DLGAP1: variants seen among roughly 807,000 people sequenced by gnomAD.
DLGAP1 encodes DLG associated protein 1, also known as disks large-associated protein 1.
DLGAP1 carries 11 observed loss-of-function variants against 90.8 expected under a neutral mutation model. The ratio of observed to expected loss-of-function variants is 0.12; its 90% CI spans 0.08 to 0.20. DLGAP1 has a LOEUF of 0.20. Ranked by LOEUF, DLGAP1 falls within the 10% of genes least tolerant of loss-of-function variation. The pLI is 1.00. For missense variants in DLGAP1, 1,050 were observed against 1,333.8 expected, an observed-to-expected ratio of 0.79 and a Z score of 3.31; for synonymous variants, 558 against 540.7, an observed-to-expected ratio of 1.03 and a Z score of -0.44.
chr18:3,700,572 A>G (rs1295859648), intron 7 of DLGAP1, among the ~76,000 whole-genome samples: 3 of 152,076 alleles, frequency 2.0e-5, no homozygotes, highest in African/African-American at 7.3e-5. Flanking sequence ...CTATTCAGCC[A>G]TCTTGCCAGC....
intron 1 of DLGAP1, among the ~76,000 whole-genome samples, chr18:4,321,129 C>A (rs1267760199): frequency 2.6e-4 from 40 of 152,194 alleles, no homozygotes; most frequent in Non-Finnish European, 1.8e-4. Context: ...ACAAAAACAT[C>A]ATTTTCCATA....
intron 3 of DLGAP1, among the ~76,000 whole-genome samples, chr18:3,979,714 CAA>C (rs1283344781): frequency 6.6e-6 from 1 of 152,094 alleles, no homozygotes; most frequent in African/African-American, 2.4e-5. Context: ...GTTCTTACCA[CAA>C]AAAATGATAA....
At chr18:4,226,839 C>T (rs1404532247) in intron 1 of DLGAP1, among the ~76,000 whole-genome samples, 1 of 151,814 alleles carries the variant, frequency 6.6e-6, no homozygotes, top group Non-Finnish European at 1.5e-5. Flanking sequence ...AACAAAATCA[C>T]AAGAATAAGT....
intron 1 of DLGAP1, among the ~76,000 whole-genome samples, chr18:4,267,093 T>C (rs2079147238): frequency 6.6e-6 from 1 of 152,206 alleles, no homozygotes; most frequent in Non-Finnish European, 1.5e-5. Flanking sequence ...GGTTTGTGTA[T>C]TGGTTTGGGA....
At chr18:3,835,408 T>C (rs1444966011) in intron 4 of DLGAP1, among the ~76,000 whole-genome samples, 1 of 152,052 alleles carries the variant, frequency 6.6e-6, no homozygotes, top group Non-Finnish European at 1.5e-5. Flanking sequence ...CCCAGCACTT[T>C]GGGAGGCTGA....
chr18:3,877,907 T>C (rs1599089983), intron 4 of DLGAP1, among the ~76,000 whole-genome samples: 2 of 152,210 alleles, frequency 1.3e-5, no homozygotes, highest in Non-Finnish European at 2.9e-5. Flanking sequence ...GTGTCGTGTA[T>C]GAAAACTGTC....
chr18:3,713,322 G>A (rs2061656752), intron 7 of DLGAP1, among the ~76,000 whole-genome samples: 1 of 152,196 alleles, frequency 6.6e-6, no homozygotes, highest in African/African-American at 2.4e-5. Flanking sequence ...CCACAACTGA[G>A]GAGATTAGGA....
chr18:3,745,214 A>G (rs2063218521), intron 5 of DLGAP1, among the ~76,000 whole-genome samples: 1 of 152,224 alleles, frequency 6.6e-6, no homozygotes, highest in Non-Finnish European at 1.5e-5. Context: ...TTAGGAAGTG[A>G]TATCTGAAGG....
rs1342548979 is a variant in DLGAP1, at chr18:3,942,554, C to T, written c.-72-62414G>A. ...GCGATGGCATCTGAATTTGTGCCAA[C>T]CAAATTTGTCTTAGGAAGGGCTGCA... On this transcript the variant is annotated intron_variant, in intron 3 of 12. Transcript: ENST00000315677. Among the ~76,000 whole-genome samples, 8 of 152,158 alleles carry T rather than the reference C, an allele frequency of 5.3e-5. No homozygotes were observed. In the South Asian group the frequency reaches 6.2e-4, roughly 12 times the overall value.
At chr18:4,140,228 G>A (rs1171745385) in intron 2 of DLGAP1, among the ~76,000 whole-genome samples, 1 of 151,458 alleles carries the variant, frequency 6.6e-6, no homozygotes, top group Non-Finnish European at 1.5e-5. Context: ...GAATTTCTCT[G>A]GTGTTATTTT....
At chr18:3,938,356 G>A (rs2072688947) in intron 3 of DLGAP1, among the ~76,000 whole-genome samples, 1 of 152,132 alleles carries the variant, frequency 6.6e-6, no homozygotes, top group Non-Finnish European at 1.5e-5. Flanking sequence ...AAATAAAGAA[G>A]GGCCTGGGGA....
chr18:3,999,062 A>G (rs1336698448), intron 3 of DLGAP1, among the ~76,000 whole-genome samples: 3 of 152,146 alleles, frequency 2.0e-5, no homozygotes, highest in African/African-American at 7.2e-5. Context: ...TTTACAAAAC[A>G]AGTCTAGTTT....
At chr18:4,295,981 A>G (rs2079970782) in intron 1 of DLGAP1, among the ~76,000 whole-genome samples, 1 of 152,232 alleles carries the variant, frequency 6.6e-6, no homozygotes, top group South Asian at 2.1e-4. Flanking sequence ...ATCTATTCTC[A>G]CTGGATTACA....
intron 1 of DLGAP1, among the ~76,000 whole-genome samples, chr18:4,182,841 G>A (rs1420621118): frequency 2.6e-5 from 4 of 152,152 alleles, no homozygotes; most frequent in African/African-American, 9.7e-5. Context: ...AAATAATAAT[G>A]TGCTGCCCTT....
intron 8 of DLGAP1, among the ~76,000 whole-genome samples, chr18:3,576,105 C>G (rs2055112562): frequency 6.6e-6 from 1 of 152,208 alleles, no homozygotes; most frequent in Non-Finnish European, 1.5e-5. Context: ...GCGGCCAGGA[C>G]TCCCAAACTA....
rs190998831 is a variant in DLGAP1 at position 3,628,010 on chromosome 18, C to T, written c.1592-45762G>A. Among the ~76,000 whole-genome samples the T allele has an allele frequency of 9.9e-3, 1,491 of 151,160 alleles. 8 individuals carry two copies. Among genetic ancestry groups the T allele is most frequent in the Non-Finnish European group, 0.016 (1,065 of 67,854 alleles). On this transcript the variant is annotated intron_variant, in intron 7 of 12. Transcript: ENST00000315677. ...TCTCCTGCCACAGCCTCCCGAGTAGCTGGGATTACAGGCGCGCACCACACC... is the reference window on the plus strand; with the variant it reads ...TCTCCTGCCACAGCCTCCCGAGTAGTTGGGATTACAGGCGCGCACCACACC...
At chr18:3,665,507 A>AT (rs1426714844) in intron 7 of DLGAP1, among the ~76,000 whole-genome samples, 2 of 152,180 alleles carry the variant, frequency 1.3e-5, no homozygotes, top group Non-Finnish European at 2.9e-5. Context: ...TTAGTTTATC[A>AT]TTTTTGCCAC....
At chr18:4,284,688 G>A (rs1349689365) in intron 1 of DLGAP1, among the ~76,000 whole-genome samples, 1 of 152,170 alleles carries the variant, frequency 6.6e-6, no homozygotes, top group African/African-American at 2.4e-5. Context: ...CTAAGGAGGT[G>A]GGGTCAGACC....
intron 1 of DLGAP1, among the ~76,000 whole-genome samples, chr18:4,215,021 G>A (rs1020275182): frequency 5.3e-5 from 8 of 152,018 alleles, no homozygotes; most frequent in Admixed American, 1.3e-4. Flanking sequence ...TTAACTTATC[G>A]GGAAAGCTGA....
Sources: allele counts gnomAD v4.1 joint callset (sites outside exome capture counted in the v4.1 genomes callset), GRCh38; gene constraint gnomAD v4.1.1; transcripts MANE v1.5; gene names NCBI Gene and HGNC (gene_info 2026-07-23, HGNC 2026-07-21).